The following HPSE2 variants were observed in gnomAD, a reference collection of about 807,000 sequenced individuals.
HPSE2 encodes heparanase 2 (inactive), also known as inactive heparanase-2.
Under a neutral mutation model 60.5 loss-of-function variants are expected in HPSE2, and 38 were observed. The observed-to-expected ratio is 0.63, with a 90% confidence interval of 0.48 to 0.82. The LOEUF is 0.82. HPSE2 is among the 40% of genes least tolerant of loss of function. The probability of loss-of-function intolerance (pLI) is 0.00; values close to 1 mark genes in which losing one functional copy is unlikely to be tolerated. For synonymous variants in HPSE2, 295 were observed against 293.2 expected (o/e 1.01, Z -0.06); for missense variants, 713 against 740.4 (o/e 0.96, Z 0.43).
At chr10:99,016,724 T>C (rs1351004678) in intron 3 of HPSE2, among the ~76,000 whole-genome samples, 1 of 152,128 alleles carries the variant, frequency 6.6e-6, no homozygotes, top group Non-Finnish European at 1.5e-5. Flanking sequence ...GGTTTGTAGT[T>C]CTCCTTATAG....
intron 6 of HPSE2, among the ~76,000 whole-genome samples, chr10:98,673,742 T>C (rs988362016): frequency 6.6e-5 from 10 of 152,128 alleles, no homozygotes; most frequent in Non-Finnish European, 1.5e-4. Context: ...AATATACCTA[T>C]TAAAAAGAAG....
intron 3 of HPSE2, among the ~76,000 whole-genome samples, chr10:98,962,562 T>TG (rs1955705358): frequency 1.3e-5 from 2 of 151,140 alleles, no homozygotes; most frequent in South Asian, 4.2e-4. Flanking sequence ...TTCAACATAG[T>TG]GTTGGAAGTT....
upstream of HPSE2, among the ~76,000 whole-genome samples, chr10:99,240,611 A>C (rs1413314802): frequency 6.6e-6 from 1 of 151,872 alleles, no homozygotes; most frequent in Non-Finnish European, 1.5e-5. Flanking sequence ...ACAGGGTTTC[A>C]CCGTGTTAGC....
chr10:99,058,269 G>C (rs992129510), intron 3 of HPSE2, among the ~76,000 whole-genome samples: 2 of 152,166 alleles, frequency 1.3e-5, no homozygotes, highest in African/African-American at 4.8e-5. Flanking sequence ...TGAGAAAAGG[G>C]GGGAATTGTA....
chr10:98,741,008 C>A (rs1225438454), intron 4 of HPSE2, among the ~76,000 whole-genome samples: 1 of 151,896 alleles, frequency 6.6e-6, no homozygotes, highest in Non-Finnish European at 1.5e-5. Flanking sequence ...AGAGAAACAG[C>A]AAAATAAATC....
At chr10:98,545,376 C>T (rs1208226720) in intron 9 of HPSE2, among the ~76,000 whole-genome samples, 1 of 152,148 alleles carries the variant, frequency 6.6e-6, no homozygotes, top group Admixed American at 6.5e-5. Context: ...GACCAATATC[C>T]TTGATGAATA....
intron 3 of HPSE2, among the ~76,000 whole-genome samples, chr10:99,071,488 CTT>C (rs1842789663): frequency 6.6e-6 from 1 of 152,140 alleles, no homozygotes; most frequent in Non-Finnish European, 1.5e-5. Context: ...ATTTGTTAAT[CTT>C]TTGTTTGTTT....
chr10:98,734,460 A>G (rs1949300643), intron 4 of HPSE2, among the ~76,000 whole-genome samples: 1 of 152,188 alleles, frequency 6.6e-6, no homozygotes, highest in African/African-American at 2.4e-5. Context: ...ACCATTTGAC[A>G]TTCCCACCAG....
rs868239029 is a variant in HPSE2 at position 98,769,279 on chromosome 10, C to G, written c.611-25223G>C. Among the ~76,000 whole-genome samples, 10 of 152,086 alleles carry G rather than the reference C, an allele frequency of 6.6e-5. No individual in the cohort carries two copies. The South Asian group carries it at 1.0e-3, about 16-fold the overall frequency. On this transcript the variant is annotated intron_variant, in intron 3 of 11. Coordinates refer to ENST00000370552, the MANE Select transcript of HPSE2 (RefSeq NM_021828.5). ...ACATGTTAGTGACCATAAAAAACAC[C>G]CTCTTTCCATATATGTGTCTTGAAA...
chr10:99,012,328 G>C (rs1339780467), intron 3 of HPSE2, among the ~76,000 whole-genome samples: 1 of 151,990 alleles, frequency 6.6e-6, no homozygotes, highest in South Asian at 2.1e-4. Flanking sequence ...GTAATACTAA[G>C]CCAAGAATCT....
intron 3 of HPSE2, among the ~76,000 whole-genome samples, chr10:98,829,754 G>A (rs1472178874): frequency 2.6e-5 from 4 of 152,116 alleles, no homozygotes; most frequent in African/African-American, 9.6e-5. Context: ...TACATGGGCT[G>A]GATTGCATTT....
intron 9 of HPSE2, among the ~76,000 whole-genome samples, chr10:98,573,115 A>G (rs1391807277): frequency 3.3e-5 from 5 of 152,250 alleles, no homozygotes; most frequent in Non-Finnish European, 5.9e-5. Flanking sequence ...CCTCAATTGT[A>G]AAAGGAGATG....
At chr10:98,782,926 A>ATTTTTTTTTTTTT (rs773521357) in intron 3 of HPSE2, among the ~76,000 whole-genome samples, 1 of 124,522 alleles carries the variant, frequency 8.0e-6, no homozygotes, top group Non-Finnish European at 1.7e-5. Flanking sequence ...TTTTTTTTTT[A>ATTTTTTTTTTTTT]TTTTTTTTTT....
At chr10:99,302,611 C>A in the HPSE2 span, among the ~76,000 whole-genome samples, 1 of 152,132 alleles carries the variant, frequency 6.6e-6, no homozygotes, top group East Asian at 1.9e-4. Flanking sequence ...AAAGATCCCT[C>A]AGCATGGTTA....
intron 3 of HPSE2, among the ~76,000 whole-genome samples, chr10:98,751,532 A>G (rs951216259): frequency 4.6e-5 from 7 of 152,136 alleles, no homozygotes; most frequent in African/African-American, 1.7e-4. Flanking sequence ...TGTGTGGTTA[A>G]GAACTTGGGC....
chr10:98,470,344 C>G (rs1421930147), intron 11 of HPSE2, among the ~76,000 whole-genome samples: 12 of 152,142 alleles, frequency 7.9e-5, no homozygotes, highest in Non-Finnish European at 1.6e-4. Context: ...TGGGGTGACT[C>G]TGAATCATTG....
intron 9 of HPSE2, among the ~76,000 whole-genome samples, chr10:98,561,610 G>A (rs1268310314): frequency 6.6e-6 from 1 of 152,162 alleles, no homozygotes; most frequent in Non-Finnish European, 1.5e-5. Flanking sequence ...CACTTTGGGA[G>A]GCCAAGGCAG....
intron 3 of HPSE2, among the ~76,000 whole-genome samples, chr10:99,104,806 G>A (rs1231370583): frequency 6.6e-6 from 1 of 151,926 alleles, no homozygotes; most frequent in Non-Finnish European, 1.5e-5. Flanking sequence ...GCAAACTATT[G>A]CAAGGACAAA....
At chr10:98,841,058 G>A (rs1214085586) in intron 3 of HPSE2, among the ~76,000 whole-genome samples, 1 of 152,198 alleles carries the variant, frequency 6.6e-6, no homozygotes, top group African/African-American at 2.4e-5. Flanking sequence ...AGGAGTTGGA[G>A]ACTGGCCTGG....
Sources: gnomAD v4.1 joint callset for allele counts (sites outside exome capture counted in the v4.1 genomes callset) on GRCh38, gnomAD v4.1.1 for gene constraint, MANE v1.5 for transcripts, NCBI Gene and HGNC (gene_info 2026-07-23, HGNC 2026-07-21) for gene names.